The following HDAC4 variants were observed in gnomAD, a reference collection of about 807,000 sequenced individuals.
HDAC4 encodes the protein histone deacetylase A.
HDAC4 carries 16 observed loss-of-function variants against 135.1 expected under a neutral mutation model. The observed-to-expected ratio is 0.12, with a 90% CI of 0.08 to 0.18. HDAC4 has a LOEUF of 0.18. Among genes scored for constraint, HDAC4 ranks in the 10% least tolerant of loss-of-function variants. The pLI is 1.00. For missense variants in HDAC4, 1,143 were observed against 1,511.8 expected, an observed-to-expected ratio of 0.76 and a Z score of 4.05; for synonymous variants, 685 against 653.4, an observed-to-expected ratio of 1.05 and a Z score of -0.74.
intron 15 of HDAC4, among the ~76,000 whole-genome samples, chr2:239,107,270 T>C (rs1023426061): frequency 3.3e-5 from 5 of 152,228 alleles, no homozygotes; most frequent in Non-Finnish European, 7.3e-5. Context: ...TCTTGCCTCC[T>C]TGGGCCTGGG....
chr2:239,288,066 T>A (rs1268796228), intron 2 of HDAC4, among the ~76,000 whole-genome samples: 5 of 145,086 alleles, frequency 3.4e-5, no homozygotes, highest in African/African-American at 1.0e-4. Context: ...CCCTGTAAGT[T>A]AAAAAAAAAA....
In HDAC4 at chr2:239,236,583, G is replaced by A. The variant is rs1449074639; in HGVS notation, c.94+10C>T. 1.3e-6 allele frequency: 2 copies of A among 1,550,494 alleles called. No individual in the cohort carries two copies. Among genetic ancestry groups the A allele is most frequent in the Non-Finnish European group, 8.7e-7 (1 of 1,145,888 alleles). The stretch of plus-strand genomic sequence containing the variant: ...GGCCGGCCGGACAGGGCAGGGGTGG[G>A]CGGACTTACCCGTGCTGGGCATGTG... On this transcript the variant is annotated intron_variant, in intron 3 of 26. Transcript: ENST00000543185.
At chr2:239,236,547 G>C (rs2047898926) in intron 3 of HDAC4, 46 bp downstream of exon 3, 1 of 1,463,300 alleles carries the variant, frequency 6.8e-7, no homozygotes, top group African/African-American at 1.4e-5. Flanking sequence ...CACCTCTTTG[G>C]CTCAGCGCAG....
chr2:239,081,175 G>A lies in HDAC4; in HGVS notation c.2670C>T (p.Gly890=), dbSNP rs138832657. ...AAGCCATGTTGACGTTGAAACCCAC[G>A]CCGGGCCCTGTGCCCACCTGTGGCC... ...GAPDEVGTGP[G]VGFNVNMAFT... The change falls in exon 22 of 27, where the codon GGC becomes GGT. Residue 890 remains glycine (G), a synonymous_variant. Coordinates refer to ENST00000543185, the MANE Select transcript of HDAC4 (RefSeq NM_001378414.1). 3.1e-6 allele frequency: 5 copies of A among 1,613,454 alleles called. No homozygotes were observed. The highest frequency in any genetic ancestry group is 1.7e-5 in the Admixed American group (1 of 59,974).
chr2:239,337,427 G>A (rs963152693), intron 2 of HDAC4, among the ~76,000 whole-genome samples: 12 of 152,150 alleles, frequency 7.9e-5, no homozygotes, highest in African/African-American at 2.7e-4. Context: ...AAACCCCACT[G>A]CAAGTCGGTT....
Position 239,054,780 on chromosome 2 carries a change from G to C in HDAC4, c.3057C>G (p.Val1019=), listed in dbSNP as rs578185296. ...VLQQRPNANA[V]RSMEKVMEIH... is the part of the protein sequence containing the mutation. The stretch of plus-strand genomic sequence containing the variant: ...TCTCCATGACTTTCTCCATGGAACG[G>C]ACAGCGTTTGCATTGGGTCTTTGCT... Residue 1019 remains valine, a synonymous_variant, in exon 25 of 27, where the codon GTC becomes GTG. Transcript: ENST00000543185. The C allele has an allele frequency of 4.3e-6, 7 of 1,613,564 alleles. No homozygotes were observed. In the South Asian group the frequency reaches 7.7e-5, roughly 18 times the overall value.
At chr2:239,094,736 T>C in intron 17 of HDAC4, 1 of 1,306,130 alleles carries the variant, frequency 7.7e-7, no homozygotes, top group Non-Finnish European at 9.8e-7. Flanking sequence ...AGATGCTGGC[T>C]GCATACAGGA....
chr2:239,176,659 C>T (rs1290477259), intron 4 of HDAC4, 96 bp from the exon 5 acceptor site: 13 of 1,165,004 alleles, frequency 1.1e-5, no homozygotes, highest in East Asian at 4.9e-5. Context: ...AGGCCCTACA[C>T]GTCTGCCCTG....
intron 5 of HDAC4, among the ~76,000 whole-genome samples, chr2:239,165,263 A>AC (rs2043055974): frequency 6.6e-6 from 1 of 151,944 alleles, no homozygotes; most frequent in Admixed American, 6.6e-5. Flanking sequence ...CTACACGCTG[A>AC]CCCCCTGAAC....
At chr2:239,249,617 G>A (rs1026598820) in intron 2 of HDAC4, among the ~76,000 whole-genome samples, 1 of 152,076 alleles carries the variant, frequency 6.6e-6, no homozygotes. Flanking sequence ...CAGAATTTGT[G>A]TCAATGGTTC....
rs941493976 is a variant in HDAC4 at position 239,146,076 on chromosome 2, C to T, written c.734-1362G>A. Among the ~76,000 whole-genome samples, 6 of 152,244 alleles carry T rather than the reference C, an allele frequency of 3.9e-5. No individual in the cohort carries two copies. Among genetic ancestry groups the T allele is most frequent in the South Asian group, 2.1e-4 (1 of 4,824 alleles). Reference sequence around the variant, plus strand: ...GCTGTGGCACGGGGGACCTGGATGACGACAGATGACGGATTCAGCCACAAG... The same window carrying T: ...GCTGTGGCACGGGGGACCTGGATGATGACAGATGACGGATTCAGCCACAAG... On this transcript the variant is annotated intron_variant, in intron 7 of 26. Transcript: ENST00000543185. This position sits in a 1 kb window ranked among gnomAD's most constrained non-coding sequence, Gnocchi z 4.5.
At chr2:239,069,394 C>G (rs572677279) in intron 22 of HDAC4, among the ~76,000 whole-genome samples, 61 of 108,438 alleles carry the variant, frequency 5.6e-4, no homozygotes, top group African/African-American at 1.8e-3. Context: ...ACGACACTTG[C>G]TTAGTGAGAG....
rs772696474 is a variant in HDAC4 at position 239,183,317 on chromosome 2, G to A, written c.339+6516C>T. 3.3e-5 allele frequency among the ~76,000 whole-genome samples: 5 copies of A among 152,350 alleles called. No homozygotes were observed. The South Asian group carries it at 1.0e-3, about 32-fold the overall frequency. ...CCAAAAAGATTTTCACTTTTAAAAC[G>A]AAACTCTTGACTTTCTTGTGTCTCT... On this transcript the variant is annotated intron_variant, in intron 4 of 26. Coordinates refer to ENST00000543185, the MANE Select transcript of HDAC4 (RefSeq NM_001378414.1).
intron 2 of HDAC4, among the ~76,000 whole-genome samples, chr2:239,238,980 G>A (rs149134240): frequency 7.7e-4 from 118 of 152,290 alleles, no homozygotes; most frequent in African/African-American, 2.5e-3. Context: ...AATGCCGTTC[G>A]ATAACAGCAT....
In HDAC4 at chr2:239,244,957, C is replaced by A. The variant is rs185965314; in HGVS notation, c.23-8293G>T. On this transcript the variant is annotated intron_variant, in intron 2 of 26. Transcript: ENST00000543185. ...TCCCAGGCCACTAGATTCTGCTTTT[C>A]CCCACTGCGCAGGTTACTGAAAATT... Among the ~76,000 whole-genome samples the A allele has an allele frequency of 2.0e-4, 31 of 152,324 alleles. 1 individual carries two copies. The East Asian group carries it at 4.3e-3, about 21-fold the overall frequency.
intron 2 of HDAC4, among the ~76,000 whole-genome samples, chr2:239,346,114 C>T (rs543806815): frequency 1.4e-5 from 2 of 146,216 alleles, no homozygotes; most frequent in African/African-American, 2.5e-5. Flanking sequence ...ACATACACAC[C>T]GTCTGAAACA....
intron 15 of HDAC4, among the ~76,000 whole-genome samples, chr2:239,103,305 C>G (rs566758494): frequency 3.3e-5 from 5 of 152,254 alleles, no homozygotes; most frequent in East Asian, 3.9e-4. Context: ...GTCTCTGAGC[C>G]CCAGGATGAA....
At chr2:239,280,363 C>A (rs747414561) in intron 2 of HDAC4, among the ~76,000 whole-genome samples, 1 of 152,104 alleles carries the variant, frequency 6.6e-6, no homozygotes, top group Non-Finnish European at 1.5e-5. Context: ...GTTACATGCA[C>A]GAAGAACATT....
At chr2:239,064,488 C>T (rs2033213824) in intron 24 of HDAC4, among the ~76,000 whole-genome samples, 1 of 152,154 alleles carries the variant, frequency 6.6e-6, no homozygotes, top group Non-Finnish European at 1.5e-5. Flanking sequence ...CTCACATCGG[C>T]CTCAACAGAA....
Sources: allele counts gnomAD v4.1 joint callset (sites outside exome capture counted in the v4.1 genomes callset), GRCh38; gene constraint gnomAD v4.1.1; non-coding constraint Gnocchi (gnomAD v3.1); transcripts MANE v1.5; gene names NCBI Gene and HGNC (gene_info 2026-07-23, HGNC 2026-07-21).